The following MARCHF10 variants were observed in gnomAD, a reference collection of about 807,000 sequenced individuals.
MARCHF10 encodes probable E3 ubiquitin-protein ligase MARCHF10.
MARCHF10 carries 64 observed loss-of-function variants against 76.2 expected under a neutral mutation model. The observed-to-expected ratio is 0.84, with a 90% CI of 0.69 to 1.03. The LOEUF (loss-of-function observed/expected upper bound fraction) is 1.03. MARCHF10 is among the 50% of genes least tolerant of loss of function. The pLI is 0.00. For missense variants in MARCHF10, 875 were observed against 958.0 expected, an observed-to-expected ratio of 0.91 and a Z score of 1.14; for synonymous variants, 340 against 357.5, an observed-to-expected ratio of 0.95 and a Z score of 0.55.
intron 2 of MARCHF10, among the ~76,000 whole-genome samples, chr17:62,793,472 C>CCATCACCACCACCTCCAT (rs1307338328): frequency 5.7e-5 from 7 of 123,024 alleles, no homozygotes; most frequent in Non-Finnish European, 1.0e-4. Flanking sequence ...ATCACCACCA[C>CCATCACCACCACCTCCAT]CATCACCACC....
Position 62,701,670 on chromosome 17 carries a change from G to A in MARCHF10, c.*33C>T, listed in dbSNP as rs376408224. On this transcript the variant is annotated 3_prime_UTR_variant, in exon 11 of 11. Transcript: ENST00000311269. ...CGTAGAAAGAAGGGCTGGCGGGAGA[G>A]GTCTCCGCCGAGCTCCACAGTTGGC... The A allele has an allele frequency of 2.0e-5, 32 of 1,613,638 alleles. No individual in the cohort carries two copies. Among genetic ancestry groups the A allele is most frequent in the African/African-American group, 8.0e-5 (6 of 74,926 alleles).
At chr17:62,741,110 A>G (rs944353681) in intron 5 of MARCHF10, among the ~76,000 whole-genome samples, 6 of 152,220 alleles carry the variant, frequency 3.9e-5, no homozygotes, top group African/African-American at 1.4e-4. Flanking sequence ...ACAAAACTGA[A>G]GTGAAGAAAT....
intron 7 of MARCHF10, among the ~76,000 whole-genome samples, chr17:62,723,416 A>G (rs1196520445): frequency 6.6e-6 from 1 of 151,790 alleles, no homozygotes; most frequent in Non-Finnish European, 1.5e-5. Flanking sequence ...ACCTGCATGT[A>G]TTTGGTAAAA....
In MARCHF10 at chr17:62,759,848, G is replaced by A. The variant is rs151165228; in HGVS notation, c.369C>T (p.Ser123=). 24 of 1,613,718 alleles carry A rather than the reference G, an allele frequency of 1.5e-5. No individual in the cohort carries two copies. The highest frequency in any genetic ancestry group is 4.0e-5 in the African/African-American group (3 of 74,876). ...CCAGCCACTCACCTGGAGAGGGTTC[G>A]CTGGGGTCCACTTTCTCTGCTTTCC... is the stretch of plus-strand genomic sequence containing the variant. ...TVRKAEKVDP[S]EPSPADQAPM... Residue 123 remains serine (S), a synonymous_variant, in exon 4 of 11, where the codon AGC becomes AGT. Coordinates refer to ENST00000311269, the MANE Select transcript of MARCHF10 (RefSeq NM_152598.4).
chr17:62,749,629 CT>C (rs2091827972), intron 4 of MARCHF10, among the ~76,000 whole-genome samples: 1 of 152,170 alleles, frequency 6.6e-6, no homozygotes, highest in Non-Finnish European at 1.5e-5. Context: ...CAGAGGAGAT[CT>C]TAATTAAAGC....
At position 62,744,435 on chromosome 17, in the gene MARCHF10, C is replaced by G; in HGVS notation, c.476G>C (p.Gly159Ala). 1 of 1,614,218 alleles carries G rather than the reference C, an allele frequency of 6.2e-7. No homozygotes were observed. Among genetic ancestry groups the G allele is most frequent in the Non-Finnish European group, 8.5e-7 (1 of 1,180,048 alleles). Reference protein sequence around the residue: ...SPESHSPRASGDRSRQKQQWP... With the variant: ...SPESHSPRASADRSRQKQQWP... ...CTGCTGTTTCTGTCTGCTTCTGTCC[C>G]CAGATGCTCTCGGGCTGTGCGATTC... The change falls in exon 5 of 11, where the codon GGG (glycine) becomes GCG (alanine). Residue 159 changes from glycine (G) to alanine (A), a missense_variant. Physicochemically the swap from Gly to Ala is moderately conservative, Grantham distance 60. Transcript: ENST00000311269.
chr17:62,766,123 G>A (rs937504582), intron 3 of MARCHF10, among the ~76,000 whole-genome samples: 56 of 152,242 alleles, frequency 3.7e-4, no homozygotes, highest in Admixed American at 1.4e-3. Context: ...CCACGCCTAG[G>A]AGGTTGAGGC....
In MARCHF10 at chr17:62,759,870, T is replaced by A. The variant is rs775355448; in HGVS notation, c.347A>T (p.Lys116Ile). The A allele has an allele frequency of 2.7e-5, 44 of 1,614,008 alleles. No homozygotes were observed. The Middle Eastern group carries it at 6.6e-4, about 24-fold the overall frequency. ...TTCGCTGGGGTCCACTTTCTCTGCT[T>A]TCCTTACAGTCATGGTACTTTTATG... ...QKHKSTMTVRKAEKVDPSEPS... is the reference protein window; with the variant it reads ...QKHKSTMTVRIAEKVDPSEPS... Residue 116 changes from lysine to isoleucine, a missense_variant, in exon 4 of 11, where the codon AAA becomes ATA. Lys to Ile is a moderately radical substitution (Grantham distance 102). Transcript: ENST00000311269.
chr17:62,745,028 C>A (rs781705832), intron 4 of MARCHF10, among the ~76,000 whole-genome samples: 15 of 148,230 alleles, frequency 1.0e-4, no homozygotes, highest in Non-Finnish European at 1.8e-4. Flanking sequence ...AAGCCTCCTT[C>A]ATAAGCACCC....
intron 3 of MARCHF10, among the ~76,000 whole-genome samples, chr17:62,780,691 C>G (rs755486299): frequency 3.9e-5 from 6 of 152,188 alleles, no homozygotes; most frequent in Non-Finnish European, 5.9e-5. Context: ...ACAGTGATCT[C>G]TACCTTTCTT....
At chr17:62,720,578 A>C (rs2090430991) in intron 8 of MARCHF10, among the ~76,000 whole-genome samples, 1 of 151,594 alleles carries the variant, frequency 6.6e-6, no homozygotes, top group Non-Finnish European at 1.5e-5. Flanking sequence ...AAGAACAGAA[A>C]GCTCTGGCTT....
chr17:62,704,049 G>C (rs1035875484), intron 10 of MARCHF10, among the ~76,000 whole-genome samples: 1 of 151,026 alleles, frequency 6.6e-6, no homozygotes, highest in Non-Finnish European at 1.5e-5. Flanking sequence ...CTGGGGAGGG[G>C]GCGCCTGGGC....
chr17:62,750,102 G>A (rs1203412607), intron 4 of MARCHF10: 1 of 153,414 alleles, frequency 6.5e-6, no homozygotes, highest in African/African-American at 2.4e-5. Flanking sequence ...TATTGTTCTT[G>A]GTGTGGCCTC....
At chr17:62,782,476 T>C (rs1458926589) in intron 3 of MARCHF10, among the ~76,000 whole-genome samples, 1 of 150,932 alleles carries the variant, frequency 6.6e-6, no homozygotes, top group South Asian at 2.1e-4. Context: ...GCCTCCCAAG[T>C]AGCTGGGACT....
At position 62,701,440 on chromosome 17, in the gene MARCHF10, A is replaced by G. The variant is rs1381178037; in HGVS notation, c.*263T>C. On this transcript the variant is annotated 3_prime_UTR_variant, in exon 11 of 11. Transcript: ENST00000311269. ...TGGACCTGGCAGGGCTTCTGGGCTAAGGGGGCAGCACCAGGCCAGCCTGCC... is the reference window on the plus strand; with the variant it reads ...TGGACCTGGCAGGGCTTCTGGGCTAGGGGGGCAGCACCAGGCCAGCCTGCC... The G allele has an allele frequency of 7.0e-6, 5 of 716,476 alleles. No individual in the cohort carries two copies. The highest frequency in any genetic ancestry group is 1.1e-5 in the Non-Finnish European group (5 of 463,398). 44.4% of individuals were successfully genotyped at this position (716,476 alleles called of 1,614,324 possible).
chr17:62,771,630 A>G (rs1968118), intron 3 of MARCHF10, among the ~76,000 whole-genome samples: 102,443 of 148,216 alleles, frequency 0.69, 36,523 homozygotes, highest in African/African-American at 0.88. Context: ...AGGCTGGAGC[A>G]CAGTGGTGTG....
chr17:62,729,458 A>G (rs1334662337), intron 6 of MARCHF10, among the ~76,000 whole-genome samples: 1 of 148,504 alleles, frequency 6.7e-6, no homozygotes, highest in African/African-American at 2.5e-5. Flanking sequence ...GATTATATAT[A>G]TATTTATATG....
chr17:62,701,835 G>C, intron 10 of MARCHF10, 77 bp from the exon 11 acceptor site: 4 of 1,581,990 alleles, frequency 2.5e-6, no homozygotes, highest in Non-Finnish European at 3.5e-6. Context: ...CGGCACTGCT[G>C]CTTCATCTTC....
At chr17:62,719,557 AT>A (rs2147674004) in intron 8 of MARCHF10, among the ~76,000 whole-genome samples, 1 of 150,128 alleles carries the variant, frequency 6.7e-6, no homozygotes, top group South Asian at 2.1e-4. Flanking sequence ...CTCTTACAGG[AT>A]TTTTTCTTTA....
Sources: gnomAD v4.1 joint callset for allele counts (sites outside exome capture counted in the v4.1 genomes callset) on GRCh38, gnomAD v4.1.1 for gene constraint, MANE v1.5 for transcripts, NCBI Gene and HGNC (gene_info 2026-07-23, HGNC 2026-07-21) for gene names.